Variants in CNIH3 observed in about 807,000 individuals in gnomAD.
CNIH3 encodes the protein protein cornichon homolog 3.
CNIH3 carries 14 observed loss-of-function variants against 24.1 expected under a neutral mutation model. The ratio of observed to expected loss-of-function variants is 0.58; its 90% CI spans 0.38 to 0.91. The LOEUF is 0.91. Among genes scored for constraint, CNIH3 ranks in the 40% least tolerant of loss-of-function variants. The pLI, the probability that CNIH3 is intolerant of heterozygous loss-of-function variation, is 0.00. For synonymous variants in CNIH3, 68 were observed against 73.8 expected (o/e 0.92, Z 0.40); for missense variants, 178 against 196.8 (o/e 0.90, Z 0.57).
chr1:224,655,032 A>G (rs1685034583), intron 1 of CNIH3, among the ~76,000 whole-genome samples: 1 of 152,198 alleles, frequency 6.6e-6, no homozygotes, highest in Non-Finnish European at 1.5e-5. Context: ...TGAAGGGACT[A>G]TTTACAGAGG....
chr1:224,591,668 C>G (rs1681760854), downstream of CNIH3, among the ~76,000 whole-genome samples: 2 of 152,160 alleles, frequency 1.3e-5, no homozygotes, highest in Admixed American at 6.5e-5. Flanking sequence ...GAGGCTCAAG[C>G]TGTCAGGTTC....
intron 1 of CNIH3, among the ~76,000 whole-genome samples, chr1:224,462,637 A>ATTTTTTT (rs34550181): frequency 8.4e-6 from 1 of 119,424 alleles, no homozygotes; most frequent in Non-Finnish European, 1.7e-5. Context: ...TCTGGACCCA[A>ATTTTTTT]TTTTTTTTTT....
At chr1:224,556,177 TC>T (rs1164795789) in intron 3 of CNIH3, among the ~76,000 whole-genome samples, 1 of 147,936 alleles carries the variant, frequency 6.8e-6, no homozygotes, top group African/African-American at 2.7e-5. Flanking sequence ...GGTTTTCCTA[TC>T]TTTTTTTTTT....
intron 1 of CNIH3, among the ~76,000 whole-genome samples, chr1:224,491,585 T>G (rs1677238117): frequency 6.6e-6 from 1 of 152,152 alleles, no homozygotes; most frequent in African/African-American, 2.4e-5. Context: ...TTAAATAAAT[T>G]CATTTATTTA....
At chr1:224,590,462 T>C (rs1196638880), downstream of CNIH3, among the ~76,000 whole-genome samples, 2 of 152,194 alleles carry the variant, frequency 1.3e-5, no homozygotes, top group African/African-American at 4.8e-5. Flanking sequence ...TACCTGAGAC[T>C]GGGTAATTTA....
Position 224,739,620 on chromosome 1 carries a change from T to C in CNIH3, c.*264T>C. ...AGAGCCCTTCTGAGCATCAGTGGTG[T>C]GGGGGAGTAGGTGACGAAACACTAG... On this transcript the variant is annotated 3_prime_UTR_variant, in exon 6 of 6. Coordinates refer to ENST00000272133, the MANE Select transcript of CNIH3 (RefSeq NM_152495.2). 3 of 576,920 alleles carry C rather than the reference T, an allele frequency of 5.2e-6. No homozygotes were observed. The highest frequency in any genetic ancestry group is 5.9e-6 in the Non-Finnish European group (2 of 339,722). 35.7% of individuals were successfully genotyped at this position (576,920 alleles called of 1,614,324 possible). A position where few individuals can be genotyped will look rare whatever the true frequency, so the allele number is the denominator to read the frequency against.
At chr1:224,464,891 G>C (rs1392758288) in intron 1 of CNIH3, among the ~76,000 whole-genome samples, 2 of 151,848 alleles carry the variant, frequency 1.3e-5, no homozygotes, top group Non-Finnish European at 2.9e-5. Flanking sequence ...TAATTCTTGG[G>C]CTCAAGTGAT....
chr1:224,592,160 GTA>G (rs1010022999), downstream of CNIH3, among the ~76,000 whole-genome samples: 11 of 151,758 alleles, frequency 7.2e-5, no homozygotes, highest in Non-Finnish European at 1.6e-4. Flanking sequence ...GTATGTGTGT[GTA>G]TGTGTGTGTG....
chr1:224,592,357 A>G (rs1175778911), downstream of CNIH3, among the ~76,000 whole-genome samples: 1 of 145,950 alleles, frequency 6.9e-6, no homozygotes, highest in Non-Finnish European at 1.5e-5. Context: ...CTCTCAGGAC[A>G]TATTGAAGTC....
At position 224,739,433 on chromosome 1, in the gene CNIH3, G is replaced by A. The variant is rs1185157604; in HGVS notation, c.*77G>A. The A allele has an allele frequency of 3.8e-6, 6 of 1,583,642 alleles. No homozygotes were observed. Among genetic ancestry groups the A allele is most frequent in the South Asian group, 1.2e-5 (1 of 85,096 alleles). ...GAGAGGTGCATTTCTGCTGGTGACT[G>A]GAGGAGGGACCAGAATGAGGATACG... On this transcript the variant is annotated 3_prime_UTR_variant, in exon 6 of 6. Coordinates refer to ENST00000272133, the MANE Select transcript of CNIH3 (RefSeq NM_152495.2).
chr1:224,438,659 A>G (rs959842987), intron 1 of CNIH3, among the ~76,000 whole-genome samples: 3 of 152,166 alleles, frequency 2.0e-5, no homozygotes, highest in East Asian at 3.9e-4. Flanking sequence ...TTGGAACACT[A>G]AAATTGTCCA....
intron 1 of CNIH3, among the ~76,000 whole-genome samples, chr1:224,481,815 C>G (rs772982250): frequency 1.8e-4 from 28 of 152,212 alleles, no homozygotes; most frequent in Admixed American, 4.6e-4. Flanking sequence ...TGAAGCCAGT[C>G]AAACTTGTAT....
chr1:224,436,812 C>T (rs1300845232), intron 1 of CNIH3: 1 of 152,248 alleles, frequency 6.6e-6, no homozygotes, highest in Non-Finnish European at 1.5e-5. Flanking sequence ...CAAATTCTGT[C>T]TTGCTCACCA....
chr1:224,508,642 C>A (rs370736930), intron 1 of CNIH3, among the ~76,000 whole-genome samples: 113 of 152,318 alleles, frequency 7.4e-4, no homozygotes, highest in African/African-American at 2.3e-3. Flanking sequence ...AAATTACTCT[C>A]CTCATGAAAC....
intron 4 of CNIH3, among the ~76,000 whole-genome samples, chr1:224,572,492 G>A (rs1680860419): frequency 1.3e-5 from 2 of 150,386 alleles, no homozygotes; most frequent in African/African-American, 4.9e-5. Flanking sequence ...CTTCAGCCTG[G>A]GTGACAGAGT....
intron 3 of CNIH3, among the ~76,000 whole-genome samples, chr1:224,557,863 C>A (rs915490389): frequency 1.3e-5 from 2 of 152,244 alleles, no homozygotes; most frequent in African/African-American, 4.8e-5. Context: ...CACCCTGGCA[C>A]ATACACATAA....
intron 3 of CNIH3, among the ~76,000 whole-genome samples, chr1:224,685,204 C>T (rs1433321177): frequency 6.6e-6 from 1 of 152,144 alleles, no homozygotes. Context: ...CACTCCCCGC[C>T]GACCTTGGGA....
chr1:224,576,341 A>G (rs1334308058), intron 4 of CNIH3, among the ~76,000 whole-genome samples: 3 of 152,264 alleles, frequency 2.0e-5, no homozygotes, highest in African/African-American at 7.2e-5. Flanking sequence ...CATAGTTTAA[A>G]GAGTCAAATA....
rs182276808 is a variant in CNIH3, at chr1:224,621,894, A to G, written c.81+4639A>G. ...GGAAGGATCTGGTGGGAGGTAATTGAATCGTGGGGGATGGGGTTTTTTTTG... is the reference window on the plus strand; with the variant it reads ...GGAAGGATCTGGTGGGAGGTAATTGGATCGTGGGGGATGGGGTTTTTTTTG... On this transcript the variant is annotated intron_variant, in intron 1 of 5. Coordinates refer to ENST00000272133, the MANE Select transcript of CNIH3 (RefSeq NM_152495.2). 3.0e-3 allele frequency among the ~76,000 whole-genome samples: 454 copies of G among 152,290 alleles called. 2 individuals carry two copies. Among genetic ancestry groups the G allele is most frequent in the African/African-American group, 0.01 (431 of 41,556 alleles).
Sources: allele counts gnomAD v4.1 joint callset (sites outside exome capture counted in the v4.1 genomes callset), GRCh38; gene constraint gnomAD v4.1.1; transcripts MANE v1.5; gene names NCBI Gene and HGNC (gene_info 2026-07-23, HGNC 2026-07-21).